Variants in TNIK observed in about 807,000 individuals in gnomAD.
The protein encoded by TNIK is TRAF2 and NCK interacting kinase.
A neutral mutation model predicts 191.3 loss-of-function variants in TNIK; 49 were observed. That is an observed-to-expected ratio of 0.26 (90% CI 0.20 to 0.32). The LOEUF is 0.32. Ranked by LOEUF, TNIK falls within the 10% of genes least tolerant of loss-of-function variation. TNIK has a pLI of 1.00. For synonymous variants in TNIK, 594 were observed against 600.9 expected, an observed-to-expected ratio of 0.99 and a Z score of 0.17; for missense variants, 1,155 against 1,702.3, an observed-to-expected ratio of 0.68 and a Z score of 5.66.
chr3:171,059,430 T>A lies in TNIK; in HGVS notation c.*4451A>T, dbSNP rs1030265789. On this transcript the variant is annotated 3_prime_UTR_variant, in exon 33 of 33. Coordinates refer to ENST00000436636, the MANE Select transcript of TNIK (RefSeq NM_015028.4). The stretch of plus-strand genomic sequence containing the variant: ...AAAGCACAGGGTTATGATCTCACAC[T>A]GTTTAATGCTAAGCAAACTGTTGAA... Among the ~76,000 whole-genome samples, 4 of 152,316 alleles carry A rather than the reference T, an allele frequency of 2.6e-5. No individual in the cohort carries two copies. The highest frequency in any genetic ancestry group is 9.6e-5 in the African/African-American group (4 of 41,582).
intron 2 of TNIK, among the ~76,000 whole-genome samples, chr3:171,319,112 G>A (rs1253378098): frequency 1.3e-5 from 2 of 152,114 alleles, no homozygotes; most frequent in Non-Finnish European, 2.9e-5. Flanking sequence ...CCGGGATTTC[G>A]AAGCTGCCGT....
intron 2 of TNIK, among the ~76,000 whole-genome samples, chr3:171,354,756 C>A (rs756661576): frequency 2.0e-4 from 31 of 152,300 alleles, no homozygotes; most frequent in Non-Finnish European, 2.5e-4. Flanking sequence ...ACCTATCTTA[C>A]TTTTAGCTAT....
chr3:171,206,584 C>T (rs144117414), intron 4 of TNIK, among the ~76,000 whole-genome samples: 1 of 152,054 alleles, frequency 6.6e-6, no homozygotes, highest in Non-Finnish European at 1.5e-5. Context: ...AGATTTTGCT[C>T]AGTTTTTAAC....
intron 1 of TNIK, among the ~76,000 whole-genome samples, chr3:171,371,366 C>T (rs187570499): frequency 6.6e-5 from 10 of 152,246 alleles, no homozygotes; most frequent in Admixed American, 5.9e-4. Context: ...TCAAAGATTC[C>T]ACACAGAGAA....
At chr3:171,242,242 A>T (rs1745079784) in intron 2 of TNIK, among the ~76,000 whole-genome samples, 1 of 152,124 alleles carries the variant, frequency 6.6e-6, no homozygotes, top group South Asian at 2.1e-4. Flanking sequence ...ATATGGAAAG[A>T]CGGAAAATTT....
At chr3:171,270,099 C>G (rs1014298351) in intron 2 of TNIK, among the ~76,000 whole-genome samples, 28 of 152,102 alleles carry the variant, frequency 1.8e-4, no homozygotes, top group Non-Finnish European at 4.4e-5. Flanking sequence ...AGTTCAATTT[C>G]TGCTTGGAAA....
At chr3:171,330,265 A>C (rs576772163) in intron 2 of TNIK, among the ~76,000 whole-genome samples, 1 of 152,232 alleles carries the variant, frequency 6.6e-6, no homozygotes, top group Non-Finnish European at 1.5e-5. Context: ...AAAATAGCTG[A>C]AAGAAAAAAA....
chr3:171,178,238 ATT>A (rs1409747864), intron 7 of TNIK, among the ~76,000 whole-genome samples: 1 of 152,198 alleles, frequency 6.6e-6, no homozygotes, highest in Non-Finnish European at 1.5e-5. Context: ...TGTTATTTAT[ATT>A]CAATTGGTTT....
At chr3:171,378,112 C>T (rs1717512109) in intron 1 of TNIK, among the ~76,000 whole-genome samples, 1 of 152,218 alleles carries the variant, frequency 6.6e-6, no homozygotes, top group East Asian at 1.9e-4. Context: ...GGTGTCCCTG[C>T]CTCTTATCAG....
At chr3:171,355,244 C>T (rs773240608) in intron 2 of TNIK, among the ~76,000 whole-genome samples, 15 of 152,098 alleles carry the variant, frequency 9.9e-5, no homozygotes, top group Non-Finnish European at 2.1e-4. Context: ...GCTTCAGGCA[C>T]CTCCTCCCTG....
At chr3:171,164,913 C>T (rs940897906) in intron 10 of TNIK, among the ~76,000 whole-genome samples, 5 of 152,326 alleles carry the variant, frequency 3.3e-5, no homozygotes, top group African/African-American at 9.6e-5. Flanking sequence ...GATGAGCCAC[C>T]GTTTTGGCCT....
At chr3:171,104,901 G>A (rs890053985) in intron 21 of TNIK, among the ~76,000 whole-genome samples, 11 of 149,776 alleles carry the variant, frequency 7.3e-5, no homozygotes, top group African/African-American at 1.8e-4. Flanking sequence ...AAAAAACAGC[G>A]GTAAAAACAG....
chr3:171,339,706 A>G (rs1757321467), intron 2 of TNIK, among the ~76,000 whole-genome samples: 1 of 152,136 alleles, frequency 6.6e-6, no homozygotes. Flanking sequence ...ATCTAAGCAG[A>G]CTTCTTGGGA....
In TNIK at chr3:171,066,246, C is replaced by T. The variant is rs1336617978; in HGVS notation, c.3940G>A (p.Gly1314Arg). The stretch of plus-strand genomic sequence containing the variant: ...TGAGCTCGCTTATGCATAAATACTC[C>T]ATCCAAATGTCCTGTTTCCACTGAC... ...IRSVETGHLD[G>R]VFMHKRAQRL... The change falls in exon 32 of 33, where the codon GGA becomes AGA. Residue 1314 changes from glycine (G) to arginine (R), a missense_variant. Gly to Arg is a moderately radical substitution (Grantham distance 125, BLOSUM62 -2). Coordinates refer to ENST00000436636, the MANE Select transcript of TNIK (RefSeq NM_015028.4). 6.2e-7 allele frequency: 1 copy of T among 1,613,850 alleles called. No individual in the cohort carries two copies. The highest frequency in any genetic ancestry group is 1.3e-5 in the African/African-American group (1 of 74,928).
chr3:171,407,058 G>A (rs1219336186), intron 1 of TNIK, among the ~76,000 whole-genome samples: 1 of 152,182 alleles, frequency 6.6e-6, no homozygotes, highest in Admixed American at 6.5e-5. Flanking sequence ...AGTAATCAGG[G>A]GAGAGAATGG....
At chr3:171,183,536 TAGAGAAGC>T (rs1448842914) in intron 7 of TNIK, among the ~76,000 whole-genome samples, 1 of 152,198 alleles carries the variant, frequency 6.6e-6, no homozygotes, top group Non-Finnish European at 1.5e-5. Flanking sequence ...GTAAAAGTTA[TAGAGAAGC>T]AGATTCTGGC....
intron 1 of TNIK, among the ~76,000 whole-genome samples, chr3:171,402,403 T>C (rs1273746331): frequency 1.3e-5 from 2 of 152,230 alleles, no homozygotes; most frequent in Non-Finnish European, 2.9e-5. Context: ...CGGTGTCCAA[T>C]GCACAGGCAA....
At chr3:171,202,444 G>C (rs907744562) in intron 4 of TNIK, among the ~76,000 whole-genome samples, 7 of 152,106 alleles carry the variant, frequency 4.6e-5, no homozygotes, top group Non-Finnish European at 4.4e-5. Context: ...CTTGATTGCT[G>C]AAGATTTTGA....
At chr3:171,445,731 A>G (rs1197755682) in intron 1 of TNIK, among the ~76,000 whole-genome samples, 1 of 152,176 alleles carries the variant, frequency 6.6e-6, no homozygotes, top group Non-Finnish European at 1.5e-5. Context: ...CAGTCAAACT[A>G]AAGATGTTTC....
Sources: gnomAD v4.1 joint callset for allele counts (sites outside exome capture counted in the v4.1 genomes callset) on GRCh38, gnomAD v4.1.1 for gene constraint, MANE v1.5 for transcripts, NCBI Gene and HGNC (gene_info 2026-07-23, HGNC 2026-07-21) for gene names.